The following SIMC1 variants were observed in gnomAD, a reference collection of about 807,000 sequenced individuals.
SIMC1 encodes SUMO-interacting motif-containing protein 1.
Under a neutral mutation model 82.3 loss-of-function variants are expected in SIMC1, and 55 were observed. The ratio of observed to expected loss-of-function variants is 0.67; its 90% confidence interval spans 0.54 to 0.84. SIMC1 has a LOEUF of 0.84. Among genes scored for constraint, SIMC1 ranks in the 40% least tolerant of loss-of-function variants. The pLI is 0.00. For synonymous variants in SIMC1, 353 were observed against 426.3 expected, an observed-to-expected ratio of 0.83 and a Z score of 2.12; for missense variants, 915 against 1,107.2, an observed-to-expected ratio of 0.83 and a Z score of 2.46.
intron 1 of SIMC1, among the ~76,000 whole-genome samples, chr5:176,284,095 T>G (rs1223509981): frequency 6.6e-6 from 1 of 152,120 alleles, no homozygotes; most frequent in African/African-American, 2.4e-5. Flanking sequence ...AACACCCCAC[T>G]GTCACCATTA....
chr5:176,341,742 T>G (rs977451183), intron 9 of SIMC1, among the ~76,000 whole-genome samples: 7 of 148,722 alleles, frequency 4.7e-5, no homozygotes, highest in Non-Finnish European at 8.9e-5. Flanking sequence ...AGGTAGGAGA[T>G]TCCTATAGTG....
At chr5:176,248,000 G>A (rs1007100093) in intron 1 of SIMC1, among the ~76,000 whole-genome samples, 3 of 151,814 alleles carry the variant, frequency 2.0e-5, no homozygotes, top group African/African-American at 7.3e-5. Flanking sequence ...TCCTGTTTTG[G>A]TTACTGTAGC....
intron 1 of SIMC1, among the ~76,000 whole-genome samples, chr5:176,271,470 A>G (rs967291788): frequency 1.3e-5 from 2 of 152,208 alleles, no homozygotes; most frequent in Non-Finnish European, 2.9e-5. Flanking sequence ...TGTTAAGTGA[A>G]ATAAGTTAGG....
chr5:176,277,660 T>C lies in SIMC1; in HGVS notation c.130-11994T>C, dbSNP rs1377435877. 2.6e-5 allele frequency among the ~76,000 whole-genome samples: 4 copies of C among 152,250 alleles called. No homozygotes were observed. The East Asian group carries it at 7.7e-4, about 29-fold the overall frequency. On this transcript the variant is annotated intron_variant, in intron 1 of 9. Transcript: ENST00000429602. ...AGGAAGGGATTCAGTTTCAGCTTTCTACATATGGCTAGCCGGTTTTCCCAG... is the reference window on the plus strand; with the variant it reads ...AGGAAGGGATTCAGTTTCAGCTTTCCACATATGGCTAGCCGGTTTTCCCAG...
chr5:176,312,966 C>T (rs1397989477), intron 4 of SIMC1: 1 of 153,842 alleles, frequency 6.5e-6, no homozygotes, highest in Non-Finnish European at 1.4e-5. Flanking sequence ...ACTAGAAGGA[C>T]AGTAAGTCCT....
At chr5:176,284,586 T>C (rs1763179800) in intron 1 of SIMC1, among the ~76,000 whole-genome samples, 1 of 152,094 alleles carries the variant, frequency 6.6e-6, no homozygotes, top group African/African-American at 2.4e-5. Context: ...AGATCTAAAA[T>C]TGACACCCTA....
chr5:176,262,875 G>T (rs1215436029), intron 1 of SIMC1, among the ~76,000 whole-genome samples: 1 of 151,862 alleles, frequency 6.6e-6, no homozygotes, highest in Non-Finnish European at 1.5e-5. Flanking sequence ...GACATGATTT[G>T]TCTATGTAGA....
chr5:176,272,039 T>C (rs577878258), intron 1 of SIMC1, among the ~76,000 whole-genome samples: 3 of 145,766 alleles, frequency 2.1e-5, no homozygotes, highest in Admixed American at 7.0e-5. Context: ...TATGCAGTTA[T>C]AAAAATTAGA....
intron 1 of SIMC1, among the ~76,000 whole-genome samples, chr5:176,278,696 T>C (rs1490418123): frequency 9.4e-6 from 1 of 106,260 alleles, no homozygotes; most frequent in Non-Finnish European, 2.0e-5. Context: ...TTTCTGCATC[T>C]ATTGAGATAA....
intron 7 of SIMC1, among the ~76,000 whole-genome samples, chr5:176,330,518 CAA>C (rs1427196670): frequency 3.3e-5 from 5 of 151,874 alleles, no homozygotes; most frequent in African/African-American, 4.8e-5. Flanking sequence ...AGGAAATATT[CAA>C]AGACTATTCA....
intron 4 of SIMC1, among the ~76,000 whole-genome samples, chr5:176,300,023 G>C (rs1413270765): frequency 1.3e-5 from 2 of 151,966 alleles, no homozygotes; most frequent in Non-Finnish European, 2.9e-5. Flanking sequence ...CACAACAATG[G>C]TTCAGAGAAA....
At chr5:176,288,410 A>AGAATGAAT (rs746968105) in intron 1 of SIMC1, among the ~76,000 whole-genome samples, 5 of 132,762 alleles carry the variant, frequency 3.8e-5, no homozygotes, top group African/African-American at 5.4e-5. Flanking sequence ...CTCCATCTCA[A>AGAATGAAT]GAATGAATGA....
intron 1 of SIMC1, among the ~76,000 whole-genome samples, chr5:176,249,598 T>G (rs1312608166): frequency 6.6e-6 from 1 of 151,968 alleles, no homozygotes; most frequent in African/African-American, 2.4e-5. Flanking sequence ...CCCAGTACTT[T>G]GGAAGGCTGA....
intron 4 of SIMC1, among the ~76,000 whole-genome samples, chr5:176,305,547 C>T (rs1460316850): frequency 9.8e-5 from 14 of 142,826 alleles, no homozygotes; most frequent in African/African-American, 1.9e-4. Context: ...GTCAGCCCCC[C>T]GCCTGGCCAG....
chr5:176,305,138 G>C (rs10059894), intron 4 of SIMC1, among the ~76,000 whole-genome samples: 1,052 of 40,032 alleles, frequency 0.026, 3 homozygotes, highest in Non-Finnish European at 0.043. Flanking sequence ...CATCCAGGAG[G>C]GGGGGGGGGT....
In SIMC1 at chr5:176,274,756, C is replaced by A. The variant is rs554358398; in HGVS notation, c.130-14898C>A. On this transcript the variant is annotated intron_variant, in intron 1 of 9. Transcript: ENST00000429602. ...CAGTTTTCCCAGCACCATTTATTAA[C>A]TAGGGAATCCTTTCCCCATTGCTTT... is the stretch of plus-strand genomic sequence containing the variant. Among the ~76,000 whole-genome samples, 369 of 151,870 alleles carry A rather than the reference C, an allele frequency of 2.4e-3. 4 individuals carry two copies. Among genetic ancestry groups the A allele is most frequent in the African/African-American group, 8.4e-3 (348 of 41,500 alleles).
At chr5:176,320,733 C>T (rs1225434311) in intron 5 of SIMC1, among the ~76,000 whole-genome samples, 1 of 152,010 alleles carries the variant, frequency 6.6e-6, no homozygotes, top group Non-Finnish European at 1.5e-5. Context: ...CTACCGCTTG[C>T]AGAGCTATTG....
intron 4 of SIMC1, among the ~76,000 whole-genome samples, chr5:176,301,060 G>A (rs1204284594): frequency 1.3e-5 from 2 of 152,122 alleles, no homozygotes; most frequent in East Asian, 1.9e-4. Context: ...GCAAAAAACC[G>A]GAGAGATAAC....
intron 1 of SIMC1, among the ~76,000 whole-genome samples, chr5:176,271,522 A>T (rs1211349225): frequency 1.3e-5 from 2 of 152,148 alleles, no homozygotes; most frequent in Non-Finnish European, 1.5e-5. Flanking sequence ...GTGAGAGCTA[A>T]AAATTAGACT....
Sources: allele counts gnomAD v4.1 joint callset (sites outside exome capture counted in the v4.1 genomes callset), GRCh38; gene constraint gnomAD v4.1.1; transcripts MANE v1.5; gene names NCBI Gene and HGNC (gene_info 2026-07-23, HGNC 2026-07-21).